The following TRAPPC6A variants were observed in gnomAD, a reference collection of about 807,000 sequenced individuals.
TRAPPC6A encodes the protein TRAPP complex subunit 6A.
In TRAPPC6A, 25 loss-of-function variants were observed where a neutral mutation model predicts 20.8. That is an observed-to-expected ratio of 1.20 (90% CI 0.88 to 1.68). TRAPPC6A has a LOEUF of 1.68. TRAPPC6A is among the 40% of genes most tolerant of loss of function. The pLI, the probability that TRAPPC6A is intolerant of heterozygous loss-of-function variation, is 0.00. For synonymous variants in TRAPPC6A, 96 were observed against 93.3 expected (o/e 1.03, Z -0.16); for missense variants, 215 against 211.6 (o/e 1.02, Z -0.10).
chr19:45,163,789 G>A lies in TRAPPC6A; in HGVS notation c.448+127C>T, dbSNP rs773397733. On this transcript the variant is annotated intron_variant, in intron 5 of 5. Transcript: ENST00000585934. The surrounding 1 kb of genome is among the most constrained non-coding windows in gnomAD (Gnocchi z 5.3). Reference sequence around the variant, plus strand: ...GGGCACAGATGGGCCTGCACCAGCCGTGTGGCTGAGCAGGTGACTTAAAAC... The same window carrying A: ...GGGCACAGATGGGCCTGCACCAGCCATGTGGCTGAGCAGGTGACTTAAAAC... 153 of 795,340 alleles carry A rather than the reference G, an allele frequency of 1.9e-4. No homozygotes were observed. Among genetic ancestry groups the A allele is most frequent in the Middle Eastern group, 1.4e-3 (6 of 4,316 alleles). The allele number at this position is 795,340 out of a possible 1,614,324, so 49.3% of individuals were successfully genotyped here. A position where few individuals can be genotyped will look rare whatever the true frequency, so the allele number is the denominator to read the frequency against.
At position 45,164,689 on chromosome 19, in the gene TRAPPC6A, C is replaced by T. The variant is rs1353079931; in HGVS notation, c.270+164G>A. ...ACCCCCTATGCCCCAGCGCAGCCTC[C>T]TGGCTTCCCTTAGAGGATCAGACAG... On this transcript the variant is annotated intron_variant, in intron 3 of 5. Coordinates refer to ENST00000585934, the MANE Select transcript of TRAPPC6A (RefSeq NM_001270891.2). 15 of 676,254 alleles carry T rather than the reference C, an allele frequency of 2.2e-5. No individual in the cohort carries two copies. The Admixed American group carries it at 2.9e-4, about 13-fold the overall frequency. The allele number at this position is 676,254 out of a possible 1,614,324, so 41.9% of individuals were successfully genotyped here.
rs1196885107 is a variant in TRAPPC6A, at chr19:45,173,039, G to T, written c.84+5096C>A. 3.3e-5 allele frequency among the ~76,000 whole-genome samples: 5 copies of T among 151,462 alleles called. No homozygotes were observed. The highest frequency in any genetic ancestry group is 7.4e-5 in the Non-Finnish European group (5 of 68,022). On this transcript the variant is annotated intron_variant, in intron 1 of 5. Coordinates refer to ENST00000585934, the MANE Select transcript of TRAPPC6A (RefSeq NM_001270891.2). The surrounding 1 kb of genome is among the most constrained non-coding windows in gnomAD (Gnocchi z 4.8). ...GGGGCTGCCCAAGTGCACTCTCGGG[G>T]TGTGGTGGATGGAGGCCTGGCGCAG...
At position 45,163,987 on chromosome 19, in the gene TRAPPC6A, A is replaced by G. The variant is rs1451426534; in HGVS notation, c.377T>C (p.Leu126Pro). 7.0e-6 allele frequency: 11 copies of G among 1,576,482 alleles called. No homozygotes were observed. Among genetic ancestry groups the G allele is most frequent in the Non-Finnish European group, 9.5e-6 (11 of 1,161,272 alleles). ...CAGGGTATAGAGGGCGCCGCGCAGG[A>G]GGCCGCAGGTGAAGGCCAGGAACTG... is the stretch of plus-strand genomic sequence containing the variant. Reference protein sequence around the residue: ...APKFLAFTCGLLRGALYTLGI... With the variant: ...APKFLAFTCGPLRGALYTLGI... Residue 126 changes from leucine (L) to proline (P), a missense_variant, in exon 5 of 6, where the codon CTC becomes CCC. By Grantham distance (98) the Leu-to-Pro change is moderately conservative. Transcript: ENST00000585934. This position sits in a 1 kb window ranked among gnomAD's most constrained non-coding sequence, Gnocchi z 5.3.
chr19:45,176,106 C>T (rs948204505), intron 1 of TRAPPC6A, among the ~76,000 whole-genome samples: 3 of 152,044 alleles, frequency 2.0e-5, no homozygotes, highest in African/African-American at 7.2e-5. Flanking sequence ...AATCCTCCCA[C>T]CTCAGCCTCC....
At chr19:45,164,033 A>G in intron 4 of TRAPPC6A, 24 bp from the exon 5 acceptor site, 1 of 1,562,054 alleles carries the variant, frequency 6.4e-7, no homozygotes, top group Non-Finnish European at 8.7e-7. Flanking sequence ...ACAGACCAGC[A>G]TGGGAAGAGA....
chr19:45,167,993 CTTTTTTTT>C (rs968943946), intron 1 of TRAPPC6A, among the ~76,000 whole-genome samples: 3 of 99,994 alleles, frequency 3.0e-5, no homozygotes, highest in Admixed American at 2.2e-4. Flanking sequence ...AAGACCCTGT[CTTTTTTTT>C]TTTTTTTTTT....
At chr19:45,168,666 A>G (rs1969210196) in intron 1 of TRAPPC6A, among the ~76,000 whole-genome samples, 1 of 152,176 alleles carries the variant, frequency 6.6e-6, no homozygotes, top group Non-Finnish European at 1.5e-5. Context: ...GGACCGGCAT[A>G]CTGTGTGGCA....
In TRAPPC6A at chr19:45,164,261, G is replaced by C. The variant is rs1159406081; in HGVS notation, c.271-14C>G. ...GACGTAGGTCCCCTGGGGGAGAGGAGAGGCTGGTGGGTGGGGTCGGGGCCT... is the reference window on the plus strand; with the variant it reads ...GACGTAGGTCCCCTGGGGGAGAGGACAGGCTGGTGGGTGGGGTCGGGGCCT... On this transcript the variant is annotated splice_polypyrimidine_tract_variant and intron_variant, in intron 3 of 5. Transcript: ENST00000585934. 4 of 1,577,330 alleles carry C rather than the reference G, an allele frequency of 2.5e-6. No individual in the cohort carries two copies. Among genetic ancestry groups the C allele is most frequent in the Non-Finnish European group, 3.5e-6 (4 of 1,157,498 alleles).
At chr19:45,176,000 A>G (rs371169722) in intron 1 of TRAPPC6A, among the ~76,000 whole-genome samples, 2 of 151,930 alleles carry the variant, frequency 1.3e-5, no homozygotes, top group African/African-American at 4.8e-5. Flanking sequence ...AGTAATCCCC[A>G]TGTTTTTTTA....
At chr19:45,164,125 G>C (rs1011796873) in intron 4 of TRAPPC6A, 39 bp downstream of exon 4, 25 of 1,571,168 alleles carry the variant, frequency 1.6e-5, no homozygotes, top group Non-Finnish European at 2.2e-5. Context: ...GTAAACAGGA[G>C]GAAGGGAGGT....
chr19:45,176,367 G>A (rs1056854921), intron 1 of TRAPPC6A, among the ~76,000 whole-genome samples: 9 of 152,028 alleles, frequency 5.9e-5, no homozygotes, highest in African/African-American at 9.7e-5. Flanking sequence ...AGGAGGCTGC[G>A]GCGGGAGAAT....
At chr19:45,165,452 C>T (rs77639897) in intron 1 of TRAPPC6A, among the ~76,000 whole-genome samples, 2,517 of 152,356 alleles carry the variant, frequency 0.017, 29 homozygotes, top group Non-Finnish European at 0.027. Flanking sequence ...CCAGCTCCCC[C>T]TTCCCTCAGG....
At chr19:45,177,953 A>T in intron 1 of TRAPPC6A, 182 bp downstream of exon 1, 1 of 1,156,078 alleles carries the variant, frequency 8.6e-7, no homozygotes, top group Non-Finnish European at 1.2e-6. Flanking sequence ...TCAATTTAGC[A>T]ATAACCCCGA....
chr19:45,165,035 G>A (rs1278627241), intron 2 of TRAPPC6A, 65 bp from the exon 3 acceptor site: 26 of 1,607,602 alleles, frequency 1.6e-5, no homozygotes, highest in East Asian at 2.2e-5. Context: ...AGACAGGCCC[G>A]ACTCCTGCAT....
At chr19:45,169,515 G>C (rs369884836) in intron 1 of TRAPPC6A, among the ~76,000 whole-genome samples, 3 of 152,358 alleles carry the variant, frequency 2.0e-5, no homozygotes, top group Admixed American at 6.5e-5. Flanking sequence ...CAAGGAGTAA[G>C]GGTTGGTAAA....
At chr19:45,166,250 T>C (rs1969149275) in intron 1 of TRAPPC6A, among the ~76,000 whole-genome samples, 1 of 143,506 alleles carries the variant, frequency 7.0e-6, no homozygotes, top group African/African-American at 2.6e-5. Flanking sequence ...CTCTGTTGCC[T>C]AGGTAGAGTG....
Position 45,177,191 on chromosome 19 carries a change from G to GCACGCA in TRAPPC6A, c.84+943_84+944insTGCGTG, listed in dbSNP as rs1555751028. Among the ~76,000 whole-genome samples the GCACGCA allele has an allele frequency of 8.1e-5, 12 of 147,998 alleles. No homozygotes were observed. In the South Asian group the frequency reaches 1.5e-3, roughly 18 times the overall value. ...GCGACCGAGCAGGATGCGCGTGCGC[G>GCACGCA]CACACACACACACACACACACACAC... On this transcript the variant is annotated intron_variant, in intron 1 of 5. Coordinates refer to ENST00000585934, the MANE Select transcript of TRAPPC6A (RefSeq NM_001270891.2).
chr19:45,177,167 C>T (rs1180935068), intron 1 of TRAPPC6A, among the ~76,000 whole-genome samples: 1 of 149,634 alleles, frequency 6.7e-6, no homozygotes, highest in Non-Finnish European at 1.5e-5. Context: ...CCAGCCTGGG[C>T]GACCGAGCAG....
chr19:45,175,105 CA>C (rs1244206223), intron 1 of TRAPPC6A, among the ~76,000 whole-genome samples: 1 of 148,674 alleles, frequency 6.7e-6, no homozygotes, highest in Non-Finnish European at 1.5e-5. Flanking sequence ...ACTAAAAATA[CA>C]AAAAATTAGC....
Sources: gnomAD v4.1 joint callset for allele counts (sites outside exome capture counted in the v4.1 genomes callset) on GRCh38, gnomAD v4.1.1 for gene constraint, Gnocchi (gnomAD v3.1) non-coding constraint, MANE v1.5 for transcripts, NCBI Gene and HGNC (gene_info 2026-07-23, HGNC 2026-07-21) for gene names.